Variants in FRMPD4 observed in about 807,000 individuals in gnomAD.
The protein encoded by FRMPD4 is FERM and PDZ domain-containing protein 4.
In FRMPD4, 22 loss-of-function variants were observed where a neutral mutation model predicts 94.1. The observed-to-expected ratio is 0.23, with a 90% CI of 0.17 to 0.33. The LOEUF (loss-of-function observed/expected upper bound fraction) is 0.33. FRMPD4 is among the 10% of genes least tolerant of loss of function. The probability of loss-of-function intolerance (pLI) is 1.00; values close to 1 mark genes in which losing one functional copy is unlikely to be tolerated. For synonymous variants in FRMPD4, 631 were observed against 548.6 expected, an observed-to-expected ratio of 1.15 and a Z score of -2.10; for missense variants, 1,111 against 1,339.9, an observed-to-expected ratio of 0.83 and a Z score of 2.67.
intron 1 of FRMPD4, among the ~76,000 whole-genome samples, chrX:12,183,990 T>C (rs2056393606): frequency 9.1e-6 from 1 of 109,625 alleles, no homozygotes; most frequent in Non-Finnish European, 1.9e-5. Context: ...TCCCTGAAAA[T>C]CAGAAGGGCA....
Position 11,893,923 on chromosome X carries a change from T to G in FRMPD4, c.95+15905T>G, listed in dbSNP as rs1324712382. Among the ~76,000 whole-genome samples, 3 of 112,194 alleles carry G rather than the reference T, an allele frequency of 2.7e-5. No homozygotes were observed. The Admixed American group carries it at 2.8e-4, about 11-fold the overall frequency. On this transcript the variant is annotated intron_variant, in intron 3 of 18. Coordinates refer to the FRMPD4 transcript ENST00000640291. ...AATCAAATACTAATCTATATGTTGTTGTGAAGGGATTCTGCAGGTGCAATT... is the reference window on the plus strand; with the variant it reads ...AATCAAATACTAATCTATATGTTGTGGTGAAGGGATTCTGCAGGTGCAATT...
At chrX:12,567,069 G>C (rs775393867) in intron 2 of FRMPD4, among the ~76,000 whole-genome samples, 1 of 110,479 alleles carries the variant, frequency 9.1e-6, no homozygotes, top group Non-Finnish European at 1.9e-5. Flanking sequence ...CTTTGCCCTA[G>C]TGTGGGGAAA....
intron 1 of FRMPD4, among the ~76,000 whole-genome samples, chrX:12,300,100 G>A (rs1335760600): frequency 8.9e-6 from 1 of 111,868 alleles, no homozygotes; most frequent in East Asian, 2.8e-4. Flanking sequence ...GGAGGGTCGG[G>A]GAGGGAGCTT....
At position 12,305,811 on chromosome X, in the gene FRMPD4, C is replaced by T. The variant is rs773948494; in HGVS notation, c.41+166799C>T. On this transcript the variant is annotated intron_variant, in intron 1 of 16. Transcript: ENST00000675598. ...CAAACTCTTGGTCTCAAGCAGTCTTCCCACCTTGGCTTCCCAAAGTGCTGG... is the reference window on the plus strand; with the variant it reads ...CAAACTCTTGGTCTCAAGCAGTCTTTCCACCTTGGCTTCCCAAAGTGCTGG... Among the ~76,000 whole-genome samples the T allele has an allele frequency of 2.1e-3, 213 of 100,988 alleles. 2 individuals carry two copies. Among genetic ancestry groups the T allele is most frequent in the Middle Eastern group, 0.01 (2 of 197 alleles). 87.7% of individuals were successfully genotyped at this position (100,988 alleles called of 115,157 possible).
chrX:12,580,555 T>C (rs1295013205), intron 2 of FRMPD4, among the ~76,000 whole-genome samples: 3 of 112,078 alleles, frequency 2.7e-5, no homozygotes, highest in East Asian at 2.8e-4. Context: ...ATAATAAAAT[T>C]ATGTGAATGT....
chrX:12,455,956 G>C (rs1291565915), intron 1 of FRMPD4, among the ~76,000 whole-genome samples: 1 of 111,300 alleles, frequency 9.0e-6, no homozygotes, highest in Non-Finnish European at 1.9e-5. Flanking sequence ...CACCGTGCCT[G>C]GCTGATTTTG....
chrX:12,577,443 G>A (rs1277057534), intron 2 of FRMPD4, among the ~76,000 whole-genome samples: 2 of 110,767 alleles, frequency 1.8e-5, no homozygotes, highest in Non-Finnish European at 3.8e-5. Flanking sequence ...TTTTTGAGAT[G>A]AAGATGGTGG....
intron 1 of FRMPD4, among the ~76,000 whole-genome samples, chrX:11,859,098 A>T (rs972315712): frequency 1.8e-5 from 2 of 112,136 alleles, no homozygotes; most frequent in Non-Finnish European, 3.8e-5. Flanking sequence ...GTTCTTCAAC[A>T]TTTGCGTACA....
intron 2 of FRMPD4, among the ~76,000 whole-genome samples, chrX:12,573,295 G>T (rs182993035): frequency 9.3e-4 from 104 of 111,899 alleles, no homozygotes; most frequent in Non-Finnish European, 1.2e-3. Context: ...TTATTAAAAA[G>T]GACTTAAAAA....
intron 4 of FRMPD4, among the ~76,000 whole-genome samples, chrX:12,668,980 T>C (rs958295944): frequency 8.9e-6 from 1 of 111,995 alleles, no homozygotes; most frequent in Non-Finnish European, 1.9e-5. Flanking sequence ...AAATGTAAGA[T>C]GGACCCCAAT....
At chrX:12,353,465 T>C in intron 1 of FRMPD4, among the ~76,000 whole-genome samples, 1 of 112,079 alleles carries the variant, frequency 8.9e-6, no homozygotes, top group East Asian at 2.8e-4. Context: ...CTCACTGGAC[T>C]CGCTAGCTGA....
At chrX:12,385,608 G>A (rs1024934731) in intron 1 of FRMPD4, among the ~76,000 whole-genome samples, 49 of 112,311 alleles carry the variant, frequency 4.4e-4, no homozygotes, top group African/African-American at 7.4e-4. Context: ...AAGTTTACCC[G>A]TTACACATTG....
intron 3 of FRMPD4, among the ~76,000 whole-genome samples, chrX:12,100,745 T>C (rs1025354033): frequency 8.9e-6 from 1 of 112,136 alleles, no homozygotes. Flanking sequence ...AGCTCTCCCC[T>C]TTCTTAATGG....
chrX:12,413,702 G>A lies in FRMPD4; in HGVS notation c.42-84978G>A, dbSNP rs72612885. Among the ~76,000 whole-genome samples, 8 of 111,961 alleles carry A rather than the reference G, an allele frequency of 7.1e-5. No homozygotes were observed. The East Asian group carries it at 2.2e-3, about 31-fold the overall frequency. On this transcript the variant is annotated intron_variant, in intron 1 of 16. Coordinates refer to ENST00000675598, the MANE Select transcript of FRMPD4 (RefSeq NM_001368397.1). ...GTCAGGTCCAATGTACAAAGAGAAC[G>A]TGTTATACTGACTATTGCATTCATG...
intron 4 of FRMPD4, among the ~76,000 whole-genome samples, chrX:12,670,261 C>T (rs755942304): frequency 8.9e-5 from 10 of 112,095 alleles, no homozygotes; most frequent in South Asian, 3.8e-4. Context: ...TCTAAGCCTC[C>T]CTGTCTTAGT....
At chrX:12,348,805 CAG>C (rs1203456086) in intron 1 of FRMPD4, among the ~76,000 whole-genome samples, 3 of 111,655 alleles carry the variant, frequency 2.7e-5, no homozygotes, top group Non-Finnish European at 5.6e-5. Flanking sequence ...TTAAAGATGT[CAG>C]AGTTATGATG....
At chrX:12,235,673 A>G (rs1432878488) in intron 1 of FRMPD4, among the ~76,000 whole-genome samples, 3 of 112,179 alleles carry the variant, frequency 2.7e-5, no homozygotes, top group Non-Finnish European at 5.6e-5. Context: ...TTTTATATCC[A>G]CTATTCAGTA....
intron 3 of FRMPD4, among the ~76,000 whole-genome samples, chrX:12,019,389 C>T (rs1298615589): frequency 9.3e-6 from 1 of 107,168 alleles, no homozygotes; most frequent in Non-Finnish European, 1.9e-5. Flanking sequence ...ACTTTCTAAC[C>T]AGTGTCTCTC....
At chrX:12,418,893 T>C (rs1321813779) in intron 1 of FRMPD4, among the ~76,000 whole-genome samples, 1 of 111,974 alleles carries the variant, frequency 8.9e-6, no homozygotes, top group Non-Finnish European at 1.9e-5. Context: ...TTTTTGTTTC[T>C]TCTTCTTAAA....
Sources: allele counts gnomAD v4.1 joint callset (sites outside exome capture counted in the v4.1 genomes callset), GRCh38; gene constraint gnomAD v4.1.1; transcripts MANE v1.5; gene names NCBI Gene and HGNC (gene_info 2026-07-23, HGNC 2026-07-21).